The following PYGL variants were observed in gnomAD, a reference collection of about 807,000 sequenced individuals.
PYGL encodes the protein glycogen phosphorylase, liver form.
In PYGL, 90 loss-of-function variants were observed where a neutral mutation model predicts 100.1. That is an observed-to-expected ratio of 0.90 (90% confidence interval 0.76 to 1.07). PYGL has a LOEUF of 1.07. PYGL is among the 50% of genes least tolerant of loss of function. The pLI is 0.00. For missense variants in PYGL, 1,016 were observed against 1,057.6 expected, an observed-to-expected ratio of 0.96 and a Z score of 0.55; for synonymous variants, 373 against 393.0, an observed-to-expected ratio of 0.95 and a Z score of 0.60.
intron 4 of PYGL, among the ~76,000 whole-genome samples, chr14:50,927,786 T>C (rs1283181752): frequency 1.3e-5 from 2 of 152,192 alleles, no homozygotes; most frequent in African/African-American, 2.4e-5. Flanking sequence ...TTGACCTGAG[T>C]AGATCTGAGG....
At chr14:50,930,981 G>A (rs1419139841) in intron 4 of PYGL, among the ~76,000 whole-genome samples, 1 of 152,110 alleles carries the variant, frequency 6.6e-6, no homozygotes, top group Non-Finnish European at 1.5e-5. Context: ...AGTAAAAGTA[G>A]TGTCATTTGG....
At chr14:50,908,639 T>A (rs2050357788) in intron 18 of PYGL, among the ~76,000 whole-genome samples, 182 bp downstream of exon 18, 1 of 152,222 alleles carries the variant, frequency 6.6e-6, no homozygotes, top group Non-Finnish European at 1.5e-5. Context: ...AATATCTAAC[T>A]TTTTCCCCAA....
chr14:50,910,406 A>G (rs368058249), intron 16 of PYGL, among the ~76,000 whole-genome samples: 39 of 151,938 alleles, frequency 2.6e-4, no homozygotes, highest in African/African-American at 8.2e-4. Context: ...TTTTTGTTAC[A>G]GTTTTATTTT....
intron 3 of PYGL, among the ~76,000 whole-genome samples, chr14:50,933,918 T>A (rs1167670870): frequency 2.6e-5 from 4 of 152,224 alleles, no homozygotes; most frequent in Non-Finnish European, 5.9e-5. Context: ...TAATGCAATT[T>A]GATTTCGCTT....
chr14:50,944,382 G>A lies in PYGL; in HGVS notation c.22C>T (p.Gln8Ter). MAKPLTD[Q>*]EKRRQISIRG... Reference sequence around the variant, plus strand: ...ATGCTGATCTGCCGCCGCTTCTCCTGGTCCGTCAGGGGCTTCGCCATGGCT... The same window carrying A: ...ATGCTGATCTGCCGCCGCTTCTCCTAGTCCGTCAGGGGCTTCGCCATGGCT... Residue 8 changes from glutamine (Q) to a stop codon, truncating the protein, a stop_gained, in exon 1 of 20, where the codon CAG becomes TAG. Coordinates refer to ENST00000216392, the MANE Select transcript of PYGL (RefSeq NM_002863.5). LOFTEE classifies it high-confidence loss of function. 1 of 1,612,774 alleles carries A rather than the reference G, an allele frequency of 6.2e-7. No individual in the cohort carries two copies. Among genetic ancestry groups the A allele is most frequent in the Non-Finnish European group, 8.5e-7 (1 of 1,179,670 alleles).
chr14:50,906,210 T>A (rs2050335209), intron 19 of PYGL, among the ~76,000 whole-genome samples: 1 of 152,238 alleles, frequency 6.6e-6, no homozygotes, highest in Non-Finnish European at 1.5e-5. Context: ...GAATTTATTT[T>A]ATAGCCTCTT....
chr14:50,930,662 A>G (rs2050593868), intron 4 of PYGL, among the ~76,000 whole-genome samples: 1 of 152,214 alleles, frequency 6.6e-6, no homozygotes. Context: ...TGGTGACACT[A>G]AACTCATTCT....
chr14:50,920,940 C>T lies in PYGL; in HGVS notation c.772+16G>A. On this transcript the variant is annotated intron_variant, in intron 6 of 19. Transcript: ENST00000216392. The stretch of plus-strand genomic sequence containing the variant: ...AAGCACACGCATAAAGAAACCAAGG[C>T]CTGTGCTGTACTCACAGTCTCTGAG... The T allele has an allele frequency of 6.3e-7, 1 of 1,593,950 alleles. No individual in the cohort carries two copies. The highest frequency in any genetic ancestry group is 8.6e-7 in the Non-Finnish European group (1 of 1,161,766).
At chr14:50,918,721 G>A (rs1010798780) in intron 7 of PYGL, among the ~76,000 whole-genome samples, 4 of 152,094 alleles carry the variant, frequency 2.6e-5, no homozygotes, top group Admixed American at 6.6e-5. Flanking sequence ...TGACAGGTGC[G>A]TAAAATCTCA....
At chr14:50,911,315 C>A (rs193047545) in intron 16 of PYGL, among the ~76,000 whole-genome samples, 4 of 152,320 alleles carry the variant, frequency 2.6e-5, no homozygotes, top group Admixed American at 2.6e-4. Context: ...ATTATTGATA[C>A]AAGAGCAAGT....
intron 4 of PYGL, among the ~76,000 whole-genome samples, chr14:50,924,519 C>A (rs762967657): frequency 7.2e-5 from 11 of 152,048 alleles, no homozygotes; most frequent in Non-Finnish European, 1.2e-4. Flanking sequence ...GATACCTGGG[C>A]CTGTTGAGTC....
At position 50,916,950 on chromosome 14, in the gene PYGL, C is replaced by G; in HGVS notation, c.999+12G>C. On this transcript the variant is annotated intron_variant, in intron 8 of 19. Coordinates refer to ENST00000216392, the MANE Select transcript of PYGL (RefSeq NM_002863.5). Reference sequence around the variant, plus strand: ...AGTGGACCCTAACTGCATCCACAGACTAAATACTTGCCTGATCCGGGAAGG... The same window carrying G: ...AGTGGACCCTAACTGCATCCACAGAGTAAATACTTGCCTGATCCGGGAAGG... 1 of 1,613,950 alleles carries G rather than the reference C, an allele frequency of 6.2e-7. No homozygotes were observed. The highest frequency in any genetic ancestry group is 8.5e-7 in the Non-Finnish European group (1 of 1,179,806).
intron 5 of PYGL, 49 bp from the exon 6 acceptor site, chr14:50,921,116 A>G (rs1474104000): frequency 6.9e-7 from 1 of 1,440,084 alleles, no homozygotes; most frequent in East Asian, 2.3e-5. Flanking sequence ...AAGTGTGATG[A>G]CATAGGTTGA....
intron 3 of PYGL, among the ~76,000 whole-genome samples, chr14:50,934,186 A>G (rs1159600972): frequency 6.6e-6 from 1 of 152,204 alleles, no homozygotes; most frequent in Non-Finnish European, 1.5e-5. Context: ...AAAAGCAAAG[A>G]ACTCAAATTG....
chr14:50,907,870 A>AC (rs1566498876), intron 19 of PYGL, among the ~76,000 whole-genome samples: 2 of 151,868 alleles, frequency 1.3e-5, no homozygotes, highest in East Asian at 3.9e-4. Flanking sequence ...ACACGGTGAA[A>AC]CTCCATCTCC....
intron 12 of PYGL, 87 bp downstream of exon 12, chr14:50,914,614 G>A: frequency 8.9e-7 from 1 of 1,127,094 alleles, no homozygotes; most frequent in Non-Finnish European, 1.3e-6. Flanking sequence ...CAGCCCTGCT[G>A]CAGACTGGAT....
chr14:50,921,099 G>T (rs764899460), intron 5 of PYGL, 32 bp from the exon 6 acceptor site: 3 of 1,528,028 alleles, frequency 2.0e-6, no homozygotes, highest in Non-Finnish European at 2.7e-6. Context: ...GCTGCTCATT[G>T]TTTCCCAAGT....
rs1216598594 is a variant in PYGL at position 50,905,327 on chromosome 14, A to C, written c.*65T>G. ...ATTATTAGCTAACAAAACAAAAACCAGTGAATGTTGTAAAAATGTTCAAGT... is the reference window on the plus strand; with the variant it reads ...ATTATTAGCTAACAAAACAAAAACCCGTGAATGTTGTAAAAATGTTCAAGT... On this transcript the variant is annotated 3_prime_UTR_variant, in exon 20 of 20. Coordinates refer to ENST00000216392, the MANE Select transcript of PYGL (RefSeq NM_002863.5). 9.3e-6 allele frequency: 14 copies of C among 1,500,948 alleles called. No individual in the cohort carries two copies. Among genetic ancestry groups the C allele is most frequent in the Non-Finnish European group, 1.3e-5 (14 of 1,079,550 alleles). 93.0% of individuals were successfully genotyped at this position (1,500,948 alleles called of 1,614,324 possible).
At chr14:50,915,528 G>T in intron 10 of PYGL, 29 bp from the exon 11 acceptor site, 7 of 1,613,342 alleles carry the variant, frequency 4.3e-6, no homozygotes, top group African/African-American at 1.3e-5. Context: ...AGCCCTTGCT[G>T]GTCACTCAGG....
Sources: gnomAD v4.1 joint callset for allele counts (sites outside exome capture counted in the v4.1 genomes callset) on GRCh38, gnomAD v4.1.1 for gene constraint, MANE v1.5 for transcripts, NCBI Gene and HGNC (gene_info 2026-07-23, HGNC 2026-07-21) for gene names.